Variants in IGSF21 observed in about 807,000 individuals in gnomAD.
IGSF21 encodes the protein immunoglobulin superfamily member 21.
A neutral mutation model predicts 46.8 loss-of-function variants in IGSF21; 28 were observed. That is an observed-to-expected ratio of 0.60 (90% CI 0.44 to 0.82). IGSF21 has a LOEUF of 0.82. IGSF21 is among the 40% of genes least tolerant of loss of function. IGSF21 has a pLI of 0.00. For missense variants in IGSF21, 624 were observed against 665.5 expected, an observed-to-expected ratio of 0.94 and a Z score of 0.69; for synonymous variants, 284 against 273.6, an observed-to-expected ratio of 1.04 and a Z score of -0.38.
intron 4 of IGSF21, among the ~76,000 whole-genome samples, chr1:18,346,869 C>G (rs1478906610): frequency 1.3e-5 from 2 of 152,088 alleles, no homozygotes; most frequent in Non-Finnish European, 2.9e-5. Flanking sequence ...GTCAGGGGCC[C>G]CTGAGCTGGA....
chr1:18,118,885 C>T (rs1478462295), intron 1 of IGSF21, among the ~76,000 whole-genome samples: 1 of 151,866 alleles, frequency 6.6e-6, no homozygotes, highest in East Asian at 1.9e-4. Flanking sequence ...CTCCCTCCCT[C>T]CCTTCTTTCT....
intron 3 of IGSF21, among the ~76,000 whole-genome samples, chr1:18,306,980 T>C (rs888267309): frequency 3.9e-5 from 6 of 152,236 alleles, no homozygotes; most frequent in Non-Finnish European, 5.9e-5. Context: ...CGATTGGTTC[T>C]GCGTATTCGC....
At chr1:18,340,001 C>T (rs945598070) in intron 4 of IGSF21, among the ~76,000 whole-genome samples, 15 of 152,190 alleles carry the variant, frequency 9.9e-5, no homozygotes, top group East Asian at 1.9e-4. Flanking sequence ...TTGACATGGA[C>T]GGTCTAGTAT....
At chr1:18,129,891 C>T (rs548257881) in intron 1 of IGSF21, among the ~76,000 whole-genome samples, 7 of 152,296 alleles carry the variant, frequency 4.6e-5, no homozygotes, top group South Asian at 4.1e-4. Flanking sequence ...CCCTTCCGCG[C>T]GCCTTCCAAC....
At chr1:18,214,139 T>A (rs2084419493) in intron 1 of IGSF21, among the ~76,000 whole-genome samples, 2 of 152,162 alleles carry the variant, frequency 1.3e-5, no homozygotes. Flanking sequence ...AATACATACA[T>A]CATGAATAAT....
At chr1:18,367,036 C>G (rs1417217741) in intron 6 of IGSF21, among the ~76,000 whole-genome samples, 1 of 152,186 alleles carries the variant, frequency 6.6e-6, no homozygotes, top group Non-Finnish European at 1.5e-5. Flanking sequence ...CCTTGATTTG[C>G]AGCCCCCAGC....
chr1:18,182,108 C>T (rs2086862734), intron 1 of IGSF21, among the ~76,000 whole-genome samples: 1 of 151,760 alleles, frequency 6.6e-6, no homozygotes, highest in Non-Finnish European at 1.5e-5. Context: ...GTCCAGCAGA[C>T]CAAGCTTTCC....
Position 18,278,005 on chromosome 1 carries a change from C to T in IGSF21, c.184-13861C>T, listed in dbSNP as rs575438592. Among the ~76,000 whole-genome samples the T allele has an allele frequency of 5.9e-5, 9 of 152,160 alleles. No individual in the cohort carries two copies. The South Asian group carries it at 1.7e-3, about 28-fold the overall frequency. Reference sequence around the variant, plus strand: ...CTGAGTGGTACTCTTGAGATTTGTGCAATTCATTGTGTGTAAATTTGACCT... The same window carrying T: ...CTGAGTGGTACTCTTGAGATTTGTGTAATTCATTGTGTGTAAATTTGACCT... On this transcript the variant is annotated intron_variant, in intron 2 of 9. Coordinates refer to ENST00000251296, the MANE Select transcript of IGSF21 (RefSeq NM_032880.5).
At chr1:18,140,845 C>T (rs946299757) in intron 1 of IGSF21, among the ~76,000 whole-genome samples, 5 of 152,200 alleles carry the variant, frequency 3.3e-5, no homozygotes, top group Non-Finnish European at 7.3e-5. Context: ...CCCCTTCTCC[C>T]CACTTATTCT....
chr1:18,287,194 A>AAATAAATAAAT (rs60840997), intron 2 of IGSF21, among the ~76,000 whole-genome samples: 13,810 of 124,430 alleles, frequency 0.11, 1,141 homozygotes, highest in Non-Finnish European at 0.16. Context: ...AAAAAAAAAT[A>AAATAAATAAAT]AAATAAATAA....
intron 1 of IGSF21, among the ~76,000 whole-genome samples, chr1:18,210,260 C>T (rs2084375943): frequency 6.6e-6 from 1 of 152,140 alleles, no homozygotes; most frequent in Admixed American, 6.5e-5. Context: ...GAGGGATCCC[C>T]CCCAGACACT....
At chr1:18,299,584 C>T (rs1012224701) in intron 3 of IGSF21, among the ~76,000 whole-genome samples, 1 of 152,214 alleles carries the variant, frequency 6.6e-6, no homozygotes, top group Middle Eastern at 3.4e-3. Flanking sequence ...TTCTTTTGAC[C>T]ACTCAGCAAA....
At chr1:18,303,877 G>A (rs1489659018) in intron 3 of IGSF21, among the ~76,000 whole-genome samples, 1 of 152,184 alleles carries the variant, frequency 6.6e-6, no homozygotes, top group Non-Finnish European at 1.5e-5. Context: ...CCAATCTGCA[G>A]GTGAGTTTGA....
chr1:18,274,500 C>A (rs1166629849), intron 2 of IGSF21, among the ~76,000 whole-genome samples: 2 of 152,242 alleles, frequency 1.3e-5, no homozygotes, highest in Non-Finnish European at 2.9e-5. Context: ...CCAAATCTGG[C>A]CATCTGTTTT....
At chr1:18,116,495 A>T (rs541012930) in intron 1 of IGSF21, among the ~76,000 whole-genome samples, 6 of 152,240 alleles carry the variant, frequency 3.9e-5, no homozygotes, top group Non-Finnish European at 8.8e-5. Flanking sequence ...AGCTTTTGGC[A>T]TGTAACTGGC....
At chr1:18,231,925 G>A (rs1351560765) in intron 2 of IGSF21, among the ~76,000 whole-genome samples, 6 of 142,472 alleles carry the variant, frequency 4.2e-5, no homozygotes, top group African/African-American at 1.7e-4. Flanking sequence ...ATTAGATCGT[G>A]TGTGTGTGTG....
intron 1 of IGSF21, among the ~76,000 whole-genome samples, chr1:18,164,933 G>A (rs527623723): frequency 7.9e-6 from 1 of 126,946 alleles, no homozygotes; most frequent in Non-Finnish European, 1.5e-5. Flanking sequence ...CCCTTCCTGT[G>A]TCCAAGTGTT....
chr1:18,355,612 TA>T (rs5772806), intron 4 of IGSF21, among the ~76,000 whole-genome samples: 47,895 of 147,720 alleles, frequency 0.32, 7,991 homozygotes, highest in African/African-American at 0.44. Flanking sequence ...TAAGGCACAG[TA>T]AAAAAAAAAA....
chr1:18,116,600 G>A (rs1317355129), intron 1 of IGSF21, among the ~76,000 whole-genome samples: 1 of 152,190 alleles, frequency 6.6e-6, no homozygotes, highest in African/African-American at 2.4e-5. Flanking sequence ...TGCTTTGGGC[G>A]AGAAGTCCAC....
Sources: gnomAD v4.1 joint callset for allele counts (sites outside exome capture counted in the v4.1 genomes callset) on GRCh38, gnomAD v4.1.1 for gene constraint, MANE v1.5 for transcripts, NCBI Gene and HGNC (gene_info 2026-07-23, HGNC 2026-07-21) for gene names.